Variants in ZNF567 observed in about 807,000 individuals in gnomAD.
ZNF567 encodes zinc finger protein 567.
In ZNF567, 36 loss-of-function variants were observed where a neutral mutation model predicts 53.9. The ratio of observed to expected loss-of-function variants is 0.67; its 90% confidence interval spans 0.51 to 0.88. ZNF567 has a LOEUF of 0.88. ZNF567 is among the 40% of genes least tolerant of loss of function. The probability of loss-of-function intolerance (pLI) is 0.00; values close to 1 mark genes in which losing one functional copy is unlikely to be tolerated. For synonymous variants in ZNF567, 224 were observed against 260.4 expected (o/e 0.86, Z 1.35); for missense variants, 619 against 764.7 (o/e 0.81, Z 2.25).
Position 36,706,841 on chromosome 19 carries a change from A to G in ZNF567, c.10-5545A>G, listed in dbSNP as rs1392516117. On this transcript the variant is annotated intron_variant, in intron 3 of 5. Coordinates refer to ENST00000682579, the MANE Select transcript of ZNF567 (RefSeq NM_001322917.1). ...TGGCTAATTTTTAAATTTTTTATAG[A>G]GGTGGGGTCTCACTATGTTGCCTAG... Among the ~76,000 whole-genome samples the G allele has an allele frequency of 1.3e-4, 19 of 151,070 alleles. 1 individual carries two copies. The highest frequency in any genetic ancestry group is 1.3e-3 in the Admixed American group (19 of 15,136).
intron 3 of ZNF567, among the ~76,000 whole-genome samples, chr19:36,704,736 TCTC>T (rs1376659187): frequency 6.6e-6 from 1 of 152,204 alleles, no homozygotes; most frequent in Non-Finnish European, 1.5e-5. Flanking sequence ...GGTTGTATTC[TCTC>T]CTCTTATTAT....
intron 1 of ZNF567, among the ~76,000 whole-genome samples, chr19:36,688,945 A>G (rs1463777342): frequency 1.3e-5 from 2 of 152,160 alleles, no homozygotes; most frequent in African/African-American, 2.4e-5. Context: ...TAAAAAATAT[A>G]AAAATTAGCT....
chr19:36,696,257 G>A (rs187703281), intron 3 of ZNF567, among the ~76,000 whole-genome samples: 59 of 152,128 alleles, frequency 3.9e-4, no homozygotes, highest in African/African-American at 1.3e-3. Flanking sequence ...ATTTATCTTC[G>A]TATCTGGACC....
At chr19:36,721,986 G>A (rs1303087701), downstream of ZNF567, among the ~76,000 whole-genome samples, 9 of 151,882 alleles carry the variant, frequency 5.9e-5, no homozygotes, top group South Asian at 1.0e-3. Context: ...TTCATGATCC[G>A]CCTGCCTCGG....
chr19:36,673,695 CAG>C, the ZNF567 span, among the ~76,000 whole-genome samples: 7 of 151,878 alleles, frequency 4.6e-5, no homozygotes, highest in South Asian at 2.1e-4. Context: ...GACACAGACA[CAG>C]ACACACACAC....
intron 3 of ZNF567, among the ~76,000 whole-genome samples, chr19:36,698,834 T>G (rs1380169225): frequency 6.6e-6 from 1 of 152,178 alleles, no homozygotes; most frequent in African/African-American, 2.4e-5. Context: ...CTTTGTCAGA[T>G]GAGTAGGTTG....
chr19:36,697,918 CTTT>C (rs71171464), intron 3 of ZNF567, among the ~76,000 whole-genome samples: 130 of 135,720 alleles, frequency 9.6e-4, no homozygotes, highest in African/African-American at 1.1e-3. Context: ...GCTGGAATTT[CTTT>C]TTTTTTTTTT....
At chr19:36,671,223 T>C in the ZNF567 span, among the ~76,000 whole-genome samples, 45,410 of 152,054 alleles carry the variant, frequency 0.3, 6,851 homozygotes, top group African/African-American at 0.33. Context: ...TGTTAAGACA[T>C]TGCATGTCAG....
At chr19:36,706,989 G>A (rs929295435) in intron 3 of ZNF567, among the ~76,000 whole-genome samples, 11 of 151,918 alleles carry the variant, frequency 7.2e-5, no homozygotes, top group East Asian at 1.9e-4. Flanking sequence ...ATGTTTTAAC[G>A]TTTATAGTTA....
chr19:36,712,172 A>C (rs916930567), intron 3 of ZNF567: 1 of 428,658 alleles, frequency 2.3e-6, no homozygotes, highest in East Asian at 5.2e-5. Flanking sequence ...TCAGCCTCCC[A>C]TGTAACTGGG....
chr19:36,691,845 A>T (rs2038631381), intron 2 of ZNF567, among the ~76,000 whole-genome samples: 1 of 152,088 alleles, frequency 6.6e-6, no homozygotes, highest in African/African-American at 2.4e-5. Flanking sequence ...ACAGAGTCTC[A>T]CTATGTTGCC....
downstream of ZNF567, chr19:36,723,045 G>A (rs1393658063): frequency 1.7e-6 from 1 of 577,084 alleles, no homozygotes; most frequent in African/African-American, 1.9e-5. Context: ...GTAATTATAG[G>A]ACTTATAATC....
chr19:36,698,270 C>G (rs1214401507), intron 3 of ZNF567, among the ~76,000 whole-genome samples: 1 of 151,814 alleles, frequency 6.6e-6, no homozygotes, highest in South Asian at 2.1e-4. Context: ...TTTTTTATGG[C>G]TGCATAGTAT....
At position 36,706,272 on chromosome 19, in the gene ZNF567, T is replaced by C. The variant is rs529347500; in HGVS notation, c.10-6114T>C. Among the ~76,000 whole-genome samples the C allele has an allele frequency of 5.9e-5, 9 of 152,280 alleles. No homozygotes were observed. The South Asian group carries it at 1.7e-3, about 28-fold the overall frequency. Reference sequence around the variant, plus strand: ...TTAAAGGCCCTACTTCGTAATACTATCACATTGGCAACACCTGAACGTTGT... The same window carrying C: ...TTAAAGGCCCTACTTCGTAATACTACCACATTGGCAACACCTGAACGTTGT... On this transcript the variant is annotated intron_variant, in intron 3 of 5. Transcript: ENST00000682579.
At chr19:36,682,824 G>T (rs545561060), upstream of ZNF567, among the ~76,000 whole-genome samples, 4 of 151,710 alleles carry the variant, frequency 2.6e-5, no homozygotes, top group African/African-American at 9.7e-5. Context: ...AGCCAGGATG[G>T]TCTCAATCTC....
intron 3 of ZNF567, among the ~76,000 whole-genome samples, chr19:36,695,173 G>C (rs1358936759): frequency 6.6e-6 from 1 of 151,234 alleles, no homozygotes; most frequent in Admixed American, 6.6e-5. Flanking sequence ...GCGAGTCCAG[G>C]AGTTCAAGAC....
chr19:36,712,607 G>A (rs1411826388), intron 4 of ZNF567, 95 bp downstream of exon 4: 1 of 1,547,642 alleles, frequency 6.5e-7, no homozygotes, highest in Non-Finnish European at 8.9e-7. Context: ...AAGAGGTGAT[G>A]AATTCCTTTT....
chr19:36,698,179 A>AT (rs1172666156), intron 3 of ZNF567, among the ~76,000 whole-genome samples: 1 of 151,542 alleles, frequency 6.6e-6, no homozygotes, highest in African/African-American at 2.4e-5. Context: ...GCGGTGTTTG[A>AT]TTTTTTGTCC....
At chr19:36,668,173 C>G in the ZNF567 span, 2 of 152,356 alleles carry the variant, frequency 1.3e-5, no homozygotes, top group African/African-American at 4.8e-5. Flanking sequence ...GTCTCGAACT[C>G]CTGGGCTCAA....
Sources: allele counts gnomAD v4.1 joint callset (sites outside exome capture counted in the v4.1 genomes callset), GRCh38; gene constraint gnomAD v4.1.1; transcripts MANE v1.5; gene names NCBI Gene and HGNC (gene_info 2026-07-23, HGNC 2026-07-21).